FRMD1: variants seen among roughly 807,000 people sequenced by gnomAD.
The protein encoded by FRMD1 is FERM domain containing 1.
A neutral mutation model predicts 54.9 loss-of-function variants in FRMD1; 51 were observed. That is an observed-to-expected ratio of 0.93 (90% confidence interval 0.74 to 1.17). The LOEUF (loss-of-function observed/expected upper bound fraction) is 1.17. Among genes scored for constraint, FRMD1 ranks in the 50% most tolerant of loss-of-function variants. The pLI is 0.00. For synonymous variants in FRMD1, 324 were observed against 306.4 expected (o/e 1.06, Z -0.60); for missense variants, 729 against 743.0 (o/e 0.98, Z 0.22).
chr6:168,066,952 G>A, intron 3 of FRMD1, 121 bp from the exon 4 acceptor site: 1 of 1,246,852 alleles, frequency 8.0e-7, no homozygotes, highest in Non-Finnish European at 1.1e-6. Context: ...AAGCTCAGGT[G>A]TCTGCAGCCA....
At chr6:168,062,844 G>A in intron 7 of FRMD1, 50 bp downstream of exon 7, 1 of 1,603,066 alleles carries the variant, frequency 6.2e-7, no homozygotes, top group Non-Finnish European at 8.5e-7. Flanking sequence ...AGGGAGGAGG[G>A]GGTGGGGGCA....
chr6:168,057,804 C>T (rs1799491399), intron 10 of FRMD1: 1 of 177,512 alleles, frequency 5.6e-6, no homozygotes, highest in African/African-American at 2.4e-5. Context: ...TTAAGTGAAG[C>T]CTCCAGCCCG....
intron 1 of FRMD1, among the ~76,000 whole-genome samples, chr6:168,086,565 G>T (rs906253600): frequency 1.4e-5 from 1 of 72,100 alleles, no homozygotes; most frequent in Non-Finnish European, 3.7e-5. Context: ...GGACACCCAC[G>T]TGCCCAGTGT....
chr6:168,078,679 TCTGCTCACCCCCACAGCC>T (rs1466522252), intron 1 of FRMD1, among the ~76,000 whole-genome samples, 185 bp downstream of exon 1: 3 of 37,012 alleles, frequency 8.1e-5, no homozygotes, highest in Non-Finnish European at 1.5e-4. Flanking sequence ...CCCCCATGGC[TCTGCTCACCCCCACAGCC>T]CTGCTCACCC....
At chr6:168,073,183 C>T in intron 2 of FRMD1, among the ~76,000 whole-genome samples, 1 of 152,224 alleles carries the variant, frequency 6.6e-6, no homozygotes, top group Admixed American at 6.5e-5. Context: ...AGTTTCCCAC[C>T]TCCCCACCCC....
chr6:168,067,311 G>T, intron 3 of FRMD1, 56 bp downstream of exon 3: 1 of 1,162,522 alleles, frequency 8.6e-7, no homozygotes, highest in Non-Finnish European at 1.3e-6. Context: ...TGTCCCCGTG[G>T]CCCAGCACAG....
chr6:168,063,229 G>GC (rs1181612560), intron 6 of FRMD1, among the ~76,000 whole-genome samples: 2 of 151,538 alleles, frequency 1.3e-5, no homozygotes, highest in African/African-American at 2.4e-5. Context: ...GTCCCACTCA[G>GC]CCACGGGGGC....
rs775425474 is a variant in FRMD1 at position 168,064,926 on chromosome 6, C to T, written c.593G>A (p.Arg198Gln). 1.7e-5 allele frequency: 28 copies of T among 1,606,434 alleles called. 1 individual carries two copies. Among genetic ancestry groups the T allele is most frequent in the South Asian group, 1.1e-4 (10 of 89,934 alleles). Residue 198 changes from arginine to glutamine, a missense_variant, in exon 5 of 11, where the codon CGG becomes CAG. Arg to Gln is a conservative substitution (Grantham distance 43). Coordinates refer to ENST00000283309, the MANE Select transcript of FRMD1 (RefSeq NM_024919.6). ...CALQADLGEH[R>Q]ESAHAGRYFE... ...GTACCTCCCGGCATGGGCCGACTCC[C>T]GGTGCTCGCCCAGGTCAGCCTGCAG...
intron 4 of FRMD1, chr6:168,066,061 C>T (rs1367830821): frequency 1.0e-6 from 1 of 999,452 alleles, no homozygotes. Flanking sequence ...AAGCTTCCCA[C>T]TAGACACCTG....
chr6:168,066,728 C>T (rs1261891399), intron 4 of FRMD1, 27 bp downstream of exon 4: 1 of 1,593,272 alleles, frequency 6.3e-7, no homozygotes, highest in Admixed American at 1.8e-5. Context: ...TTCCAGGAAA[C>T]ACCCCTTACA....
At chr6:168,088,880 A>ATCCAGGTGTCCGTGTGACCCACCGGC (rs1562436430) in intron 1 of FRMD1, among the ~76,000 whole-genome samples, 19 of 49,790 alleles carry the variant, frequency 3.8e-4, no homozygotes, top group African/African-American at 8.2e-4. Flanking sequence ...CAACCTCCCC[A>ATCCAGGTGTCCGTGTGACCCACCGGC]CTCCTTGTGT....
upstream of FRMD1, among the ~76,000 whole-genome samples, chr6:168,084,940 G>A (rs1489405354): frequency 6.6e-6 from 1 of 152,122 alleles, no homozygotes; most frequent in Non-Finnish European, 1.5e-5. Context: ...GGCTGCAGCA[G>A]CGGAGTGGGC....
intron 1 of FRMD1, among the ~76,000 whole-genome samples, chr6:168,092,037 A>C (rs571556929): frequency 8.0e-4 from 122 of 152,192 alleles, no homozygotes; most frequent in Non-Finnish European, 1.6e-3. Flanking sequence ...ACAGCGCTGC[A>C]CTTCCTGGCC....
At chr6:168,069,464 C>T (rs897342336) in intron 2 of FRMD1, among the ~76,000 whole-genome samples, 1 of 152,160 alleles carries the variant, frequency 6.6e-6, no homozygotes, top group Non-Finnish European at 1.5e-5. Flanking sequence ...GTCCTGACTC[C>T]CCCGAATTCA....
chr6:168,057,437 C>A, intron 10 of FRMD1, 98 bp from the exon 11 acceptor site: 1 of 1,528,168 alleles, frequency 6.5e-7, no homozygotes, highest in African/African-American at 1.4e-5. Flanking sequence ...GCCACACTCC[C>A]TGCCAATGCC....
At chr6:168,065,730 C>G (rs1321045798) in intron 4 of FRMD1, 1 of 988,358 alleles carries the variant, frequency 1.0e-6, no homozygotes, top group African/African-American at 1.7e-5. Flanking sequence ...CACAACCACA[C>G]ACCTTTCACT....
chr6:168,084,246 A>G (rs754678294), upstream of FRMD1, among the ~76,000 whole-genome samples: 6 of 152,242 alleles, frequency 3.9e-5, no homozygotes. Flanking sequence ...TCATGAAGGC[A>G]TGAAACCCAT....
intron 1 of FRMD1, among the ~76,000 whole-genome samples, chr6:168,078,384 T>A (rs1396978921): frequency 6.6e-6 from 1 of 152,112 alleles, no homozygotes. Flanking sequence ...CACAGCAACG[T>A]CTATCAGGGA....
Position 168,060,889 on chromosome 6 carries a change from G to C in FRMD1, c.1214C>G (p.Ser405Cys). Residue 405 changes from serine (S) to cysteine (C), a missense_variant, in exon 9 of 11, where the codon TCC (serine) becomes TGC (cysteine). By Grantham distance (112) the Ser-to-Cys change is moderately radical. Coordinates refer to ENST00000283309, the MANE Select transcript of FRMD1 (RefSeq NM_024919.6). The stretch of plus-strand genomic sequence containing the variant: ...CATCTCTCTGGATTCCCTGAGCCAG[G>C]AGTTGGCCTTGATGCCTGACGTGTA... ...SSYTSGIKAN[S>C]WLRESREMSV... The C allele has an allele frequency of 6.2e-7, 1 of 1,613,860 alleles. No individual in the cohort carries two copies. The highest frequency in any genetic ancestry group is 8.5e-7 in the Non-Finnish European group (1 of 1,180,034).
Sources: allele counts gnomAD v4.1 joint callset (sites outside exome capture counted in the v4.1 genomes callset), GRCh38; gene constraint gnomAD v4.1.1; transcripts MANE v1.5; gene names NCBI Gene and HGNC (gene_info 2026-07-23, HGNC 2026-07-21).